PANK4: variants seen among roughly 807,000 people sequenced by gnomAD.
The protein encoded by PANK4 is pantothenate kinase 4 (inactive), also known as 4'-phosphopantetheine phosphatase.
In PANK4, 40 loss-of-function variants were observed where a neutral mutation model predicts 87.9. That is an observed-to-expected ratio of 0.46 (90% confidence interval 0.35 to 0.59). The LOEUF is 0.59. Ranked by LOEUF, PANK4 falls within the 20% of genes least tolerant of loss-of-function variation. The pLI is 0.00. For missense variants in PANK4, 926 were observed against 1,072.3 expected (o/e 0.86, Z 1.90); for synonymous variants, 524 against 467.4 (o/e 1.12, Z -1.56).
At chr1:2,511,779 A>T in intron 13 of PANK4, 96 bp from the exon 14 acceptor site, 1 of 753,982 alleles carries the variant, frequency 1.3e-6, no homozygotes, top group Non-Finnish European at 2.4e-6. Flanking sequence ...CCCAGGCGGG[A>T]CAGAGGCAGC....
At position 2,520,480 on chromosome 1, in the gene PANK4, C is replaced by T. The variant is rs1222500042; in HGVS notation, c.607-66G>A. ...CAGCCACACAGGCTCCCCCGCCCCC[C>T]GCCCCATGTGCTGCGCTGGGGTGAA... On this transcript the variant is annotated intron_variant, in intron 4 of 18. Coordinates refer to ENST00000378466, the MANE Select transcript of PANK4 (RefSeq NM_018216.4). This position sits in a 1 kb window ranked among gnomAD's most constrained non-coding sequence, Gnocchi z 6.2. 7.3e-6 allele frequency: 10 copies of T among 1,372,430 alleles called. No homozygotes were observed. The highest frequency in any genetic ancestry group is 7.2e-5 in the East Asian group (3 of 41,522). The allele number at this position is 1,372,430 out of a possible 1,614,324, so 85.0% of individuals were successfully genotyped here. A position where few individuals can be genotyped will look rare whatever the true frequency, so the allele number is the denominator to read the frequency against.
chr1:2,514,248 C>T (rs1463983863), intron 11 of PANK4, 106 bp downstream of exon 11: 14 of 1,136,340 alleles, frequency 1.2e-5, no homozygotes, highest in East Asian at 2.4e-5. Context: ...CCACACCCAC[C>T]CCCAGCGAGC....
chr1:2,519,991 G>C lies in PANK4; in HGVS notation c.700-37C>G, dbSNP rs1165427366. 1.3e-6 allele frequency: 2 copies of C among 1,515,914 alleles called. No individual in the cohort carries two copies. The highest frequency in any genetic ancestry group is 2.8e-5 in the African/African-American group (2 of 72,292). The allele number at this position is 1,515,914 out of a possible 1,614,324, so 93.9% of individuals were successfully genotyped here. On this transcript the variant is annotated intron_variant, in intron 5 of 18. Transcript: ENST00000378466. This position sits in a 1 kb window ranked among gnomAD's most constrained non-coding sequence, Gnocchi z 8.3. ...GGCGAGGGGGCGGGTGAGGCGCCAG[G>C]AGCTGCTGGAATCCCCACGACCCCA...
chr1:2,509,572 G>A lies in PANK4; in HGVS notation c.2108+290C>T, dbSNP rs1327528246. On this transcript the variant is annotated intron_variant, in intron 18 of 18. Transcript: ENST00000378466. This position sits in a 1 kb window ranked among gnomAD's most constrained non-coding sequence, Gnocchi z 4.9. ...TGACAGACACCGGGCAGCTGCCCAG[G>A]TCGCCCTCGGTCTCAGCTGAGTGGC... Among the ~76,000 whole-genome samples the A allele has an allele frequency of 1.3e-5, 2 of 152,168 alleles. No individual in the cohort carries two copies. The highest frequency in any genetic ancestry group is 2.9e-5 in the Non-Finnish European group (2 of 68,020).
At position 2,514,363 on chromosome 1, in the gene PANK4, T is replaced by C. The variant is rs1289402478; in HGVS notation, c.1478A>G (p.Gln493Arg). 1 of 1,610,990 alleles carries C rather than the reference T, an allele frequency of 6.2e-7. No homozygotes were observed. The highest frequency in any genetic ancestry group is 1.7e-5 in the Admixed American group (1 of 60,008). Residue 493 changes from glutamine to arginine, a missense_variant, in exon 11 of 19, where the codon CAG (glutamine) becomes CGG (arginine). Coordinates refer to ENST00000378466, the MANE Select transcript of PANK4 (RefSeq NM_018216.4). Reference protein sequence around the residue: ...KYWNKLQTLRQQPFAYGTLTV... With the variant: ...KYWNKLQTLRRQPFAYGTLTV... ...GGTGCTGGGCACTTACAAGGGCTGC[T>C]GCCTCAGGGTCTGAAGCTTGTTCCA... is the stretch of plus-strand genomic sequence containing the variant.
chr1:2,509,106 A>G lies in PANK4; in HGVS notation c.2109-46T>C. 1 of 1,461,674 alleles carries G rather than the reference A, an allele frequency of 6.8e-7. No individual in the cohort carries two copies. The highest frequency in any genetic ancestry group is 9.3e-7 in the Non-Finnish European group (1 of 1,072,530). The allele number at this position is 1,461,674 out of a possible 1,614,324, so 90.5% of individuals were successfully genotyped here. Reference sequence around the variant, plus strand: ...GTGAGACTGGGCAAGCAGACCCCAGACCCCACTTCCCATACAGTGCGGCGA... The same window carrying G: ...GTGAGACTGGGCAAGCAGACCCCAGGCCCCACTTCCCATACAGTGCGGCGA... On this transcript the variant is annotated intron_variant, in intron 18 of 18. Coordinates refer to ENST00000378466, the MANE Select transcript of PANK4 (RefSeq NM_018216.4). This position sits in a 1 kb window ranked among gnomAD's most constrained non-coding sequence, Gnocchi z 4.9.
At chr1:2,522,499 G>C (rs1643883102) in intron 1 of PANK4, among the ~76,000 whole-genome samples, 1 of 152,118 alleles carries the variant, frequency 6.6e-6, no homozygotes, top group Non-Finnish European at 1.5e-5. Flanking sequence ...AAATGGAAGG[G>C]GCTCTATGTA....
Position 2,520,759 on chromosome 1 carries a change from A to C in PANK4, c.570T>G (p.Leu190=), listed in dbSNP as rs756884022. ...AGACTCCAGAGCCGATATTGACAAGAAGATAGGGGAAAATGTGGGGGTGGT... is the reference window on the plus strand; with the variant it reads ...AGACTCCAGAGCCGATATTGACAAGCAGATAGGGGAAAATGTGGGGGTGGT... The part of the protein sequence containing the change: ...QTNHPHIFPY[L]LVNIGSGVSI... Residue 190 remains leucine (L), a synonymous_variant, in exon 4 of 19, where the codon CTT becomes CTG. Transcript: ENST00000378466. This position sits in a 1 kb window ranked among gnomAD's most constrained non-coding sequence, Gnocchi z 6.2. The C allele has an allele frequency of 2.5e-6, 4 of 1,613,388 alleles. No individual in the cohort carries two copies. Among genetic ancestry groups the C allele is most frequent in the Non-Finnish European group, 3.4e-6 (4 of 1,179,842 alleles).
At chr1:2,517,000 C>A (rs1460477230) in intron 9 of PANK4, among the ~76,000 whole-genome samples, 1 of 152,238 alleles carries the variant, frequency 6.6e-6, no homozygotes, top group Non-Finnish European at 1.5e-5. Flanking sequence ...GTAACAAGCG[C>A]CTCCTGAACG....
chr1:2,518,185 C>A lies in PANK4; in HGVS notation c.1197G>T (p.Ala399=). The A allele has an allele frequency of 6.2e-7, 1 of 1,608,562 alleles. No individual in the cohort carries two copies. The highest frequency in any genetic ancestry group is 1.3e-5 in the African/African-American group (1 of 75,010). Residue 399 remains alanine, a synonymous_variant, in exon 9 of 19, where the codon GCG becomes GCT. Coordinates refer to ENST00000378466, the MANE Select transcript of PANK4 (RefSeq NM_018216.4). ...TCACAGTGCCACTCCGCGCCCGCTG[C>A]GCCGGGCCGAGCTCGGGTGATGCAC... ...LMSASPELGP[A]QRARSGTFDL...
In PANK4 at chr1:2,523,289, C is replaced by T. The variant is rs948685580; in HGVS notation, c.125-1489G>A. On this transcript the variant is annotated intron_variant, in intron 1 of 18. Transcript: ENST00000378466. ...GACGGCTGGCGTACAGTCTGGTGGACGCGTCACAGGCTCAATCTGATCCCC... is the reference window on the plus strand; with the variant it reads ...GACGGCTGGCGTACAGTCTGGTGGATGCGTCACAGGCTCAATCTGATCCCC... 6.6e-5 allele frequency among the ~76,000 whole-genome samples: 10 copies of T among 152,240 alleles called. No individual in the cohort carries two copies. The East Asian group carries it at 1.2e-3, about 18-fold the overall frequency.
intron 12 of PANK4, 85 bp from the exon 13 acceptor site, chr1:2,513,124 A>T (rs1050398815): frequency 7.0e-7 from 1 of 1,420,970 alleles, no homozygotes; most frequent in African/African-American, 1.4e-5. Context: ...CCTGTTCCAT[A>T]CCACGCCCCT....
At chr1:2,516,551 G>A (rs552616094) in intron 9 of PANK4, among the ~76,000 whole-genome samples, 1 of 152,190 alleles carries the variant, frequency 6.6e-6, no homozygotes, top group African/African-American at 2.4e-5. Context: ...CCCACCCTCC[G>A]GTGGCTACCC....
In PANK4 at chr1:2,522,285, T is replaced by A. The variant is rs906926096; in HGVS notation, c.125-485A>T. 6.1e-4 allele frequency among the ~76,000 whole-genome samples: 93 copies of A among 152,262 alleles called. 2 individuals carry two copies. The highest frequency in any genetic ancestry group is 2.1e-3 in the African/African-American group (86 of 41,550). On this transcript the variant is annotated intron_variant, in intron 1 of 18. Transcript: ENST00000378466. ...AGGGCGGTAACGGGGCCTGAGCAGC[T>A]CCCCTACCCTGGAGAGGCAAACGGT...
intron 13 of PANK4, among the ~76,000 whole-genome samples, chr1:2,512,096 T>G (rs1279893711): frequency 6.6e-6 from 1 of 152,158 alleles, no homozygotes; most frequent in Non-Finnish European, 1.5e-5. Flanking sequence ...TCTCGGTGAC[T>G]GGCAGCCGCA....
At chr1:2,516,534 G>A (rs980260814) in intron 9 of PANK4, among the ~76,000 whole-genome samples, 3 of 152,300 alleles carry the variant, frequency 2.0e-5, no homozygotes, top group East Asian at 1.9e-4. Context: ...GTAGCTGACC[G>A]CCTCTTCCCA....
In PANK4 at chr1:2,515,176, C is replaced by T; in HGVS notation, c.1374+386G>A. On this transcript the variant is annotated intron_variant, in intron 10 of 18. Transcript: ENST00000378466. This position sits in a 1 kb window ranked among gnomAD's most constrained non-coding sequence, Gnocchi z 5.0. ...TGGGACGCAGGAGTCCCAAGGTGGC[C>T]TCGCCGGGAGCTTGCTGGGGCTGAG... 1 of 400,456 alleles carries T rather than the reference C, an allele frequency of 2.5e-6. No individual in the cohort carries two copies. Among genetic ancestry groups the T allele is most frequent in the Non-Finnish European group, 5.0e-6 (1 of 201,636 alleles). 24.8% of individuals were successfully genotyped at this position (400,456 alleles called of 1,614,324 possible). A position where few individuals can be genotyped will look rare whatever the true frequency, so the allele number is the denominator to read the frequency against.
At position 2,521,010 on chromosome 1, in the gene PANK4, G is replaced by A. The variant is rs917815977; in HGVS notation, c.422+91C>T. ...GGCAGCCATGCCCCATGCGCAATCT[G>A]ACACACGAGCGCCAGGGACGCGGCT... On this transcript the variant is annotated intron_variant, in intron 3 of 18. Transcript: ENST00000378466. 7.9e-6 allele frequency: 12 copies of A among 1,522,168 alleles called. No homozygotes were observed. In the Admixed American group the frequency reaches 1.5e-4, roughly 19 times the overall value. The allele number at this position is 1,522,168 out of a possible 1,614,324, so 94.3% of individuals were successfully genotyped here. A position where few individuals can be genotyped will look rare whatever the true frequency, so the allele number is the denominator to read the frequency against.
intron 9 of PANK4, among the ~76,000 whole-genome samples, chr1:2,517,069 T>C (rs1643793998): frequency 6.6e-6 from 1 of 152,182 alleles, no homozygotes; most frequent in Admixed American, 6.5e-5. Context: ...TCCAGGACAT[T>C]TGGCAAATTA....
Sources: allele counts gnomAD v4.1 joint callset (sites outside exome capture counted in the v4.1 genomes callset), GRCh38; gene constraint gnomAD v4.1.1; non-coding constraint Gnocchi (gnomAD v3.1); transcripts MANE v1.5; gene names NCBI Gene and HGNC (gene_info 2026-07-23, HGNC 2026-07-21).